SLC28A3: variants seen among roughly 807,000 people sequenced by gnomAD.
SLC28A3 encodes the protein concentrative Na(+)-nucleoside cotransporter 3.
In SLC28A3, 68 loss-of-function variants were observed where a neutral mutation model predicts 84.2. That is an observed-to-expected ratio of 0.81 (90% confidence interval 0.66 to 0.99). SLC28A3 has a LOEUF of 0.99. SLC28A3 is among the 50% of genes least tolerant of loss of function. The pLI, the probability that SLC28A3 is intolerant of heterozygous loss-of-function variation, is 0.00. For missense variants in SLC28A3, 712 were observed against 841.5 expected (o/e 0.85, Z 1.90); for synonymous variants, 267 against 303.6 (o/e 0.88, Z 1.25).
chr9:84,343,187 AAAAAAACAAAAGAC>A (rs1337517921), upstream of SLC28A3, among the ~76,000 whole-genome samples: 2 of 151,884 alleles, frequency 1.3e-5, no homozygotes, highest in East Asian at 1.9e-4. Context: ...CCATCTCAAA[AAAAAAACAAAAGAC>A]AAAAAACAAA....
At position 84,340,660 on chromosome 9, in the gene SLC28A3, G is replaced by A. The variant is rs754855297; in HGVS notation, c.-27C>T. On this transcript the variant is annotated 5_prime_UTR_variant, in exon 1 of 18. Transcript: ENST00000376238. ...CTCTTTTTGCTGCTGGCTGGCTCTG[G>A]TCTGGAGGTCCTTTGTACCTGGGAA... The A allele has an allele frequency of 3.7e-6, 6 of 1,613,984 alleles. No individual in the cohort carries two copies. Among genetic ancestry groups the A allele is most frequent in the Non-Finnish European group, 5.1e-6 (6 of 1,179,948 alleles).
rs546394602 is a variant in SLC28A3, at chr9:84,295,607, AAAAC to A, written c.862-1336_862-1333del. On this transcript the variant is annotated intron_variant, in intron 8 of 17. Coordinates refer to ENST00000376238, the MANE Select transcript of SLC28A3 (RefSeq NM_001199633.2). Reference sequence around the variant, plus strand: ...CACAAAAACAAACAAACAAACAAACAAAACAAACAAACAAAAAACCATTGCATTT... The same window carrying A: ...CACAAAAACAAACAAACAAACAAACAAAACAAACAAAAAACCATTGCATTT... Among the ~76,000 whole-genome samples, 618 of 148,330 alleles carry A rather than the reference AAAAC, an allele frequency of 4.2e-3. 2 individuals carry two copies. The highest frequency in any genetic ancestry group is 0.015 in the African/African-American group (578 of 38,020).
chr9:84,304,900 T>A (rs573962153), intron 4 of SLC28A3, among the ~76,000 whole-genome samples: 18 of 152,242 alleles, frequency 1.2e-4, no homozygotes, highest in African/African-American at 4.3e-4. Flanking sequence ...CGTGTGCCTG[T>A]AATCCCAGCT....
chr9:84,280,737 A>G, intron 15 of SLC28A3, 64 bp downstream of exon 15: 1 of 1,545,238 alleles, frequency 6.5e-7, no homozygotes, highest in Non-Finnish European at 8.9e-7. Context: ...AGTACAGAGC[A>G]AAATGGGGAT....
the SLC28A3 span, among the ~76,000 whole-genome samples, chr9:84,355,525 G>C: frequency 6.6e-6 from 1 of 152,108 alleles, no homozygotes; most frequent in Non-Finnish European, 1.5e-5. Flanking sequence ...CTTCTGATGT[G>C]GGGTGATAAA....
At chr9:84,342,047 T>C (rs918660415), upstream of SLC28A3, among the ~76,000 whole-genome samples, 2 of 146,996 alleles carry the variant, frequency 1.4e-5, no homozygotes, top group African/African-American at 5.1e-5. Flanking sequence ...GAGAATCGCT[T>C]GAACCCAGGA....
chr9:84,313,577 G>A (rs1355963323), intron 1 of SLC28A3, 123 bp from the exon 2 acceptor site: 2 of 719,534 alleles, frequency 2.8e-6, no homozygotes, highest in Admixed American at 5.2e-5. Flanking sequence ...TTCAGATGAA[G>A]CATCCGATTC....
chr9:84,313,502 A>T (rs1248414765), intron 1 of SLC28A3, 48 bp from the exon 2 acceptor site: 1 of 1,495,682 alleles, frequency 6.7e-7, no homozygotes, highest in East Asian at 2.3e-5. Context: ...CAGCCAAAAG[A>T]CAGATGTTCT....
chr9:84,340,795 T>G, upstream of SLC28A3: 1 of 651,578 alleles, frequency 1.5e-6, no homozygotes, highest in Non-Finnish European at 2.6e-6. Flanking sequence ...TGACTAGGGC[T>G]GACACCTGGT....
intron 1 of SLC28A3, among the ~76,000 whole-genome samples, chr9:84,314,874 T>G (rs895847274): frequency 1.3e-5 from 2 of 152,120 alleles, no homozygotes; most frequent in Non-Finnish European, 2.9e-5. Context: ...GTCAGGAGAT[T>G]GAGACCATCC....
Position 84,340,689 on chromosome 9 carries a change from G to T in SLC28A3, c.-56C>A. 6.2e-7 allele frequency: 1 copy of T among 1,605,188 alleles called. No individual in the cohort carries two copies. Among genetic ancestry groups the T allele is most frequent in the Non-Finnish European group, 8.5e-7 (1 of 1,172,626 alleles). ...GGAGGTCCTTTGTACCTGGGAAAAA[G>T]CACCAGTCTCTGCTGATGTCAGAAA... On this transcript the variant is annotated 5_prime_UTR_variant, in exon 1 of 18. Transcript: ENST00000376238.
chr9:84,354,071 C>T, the SLC28A3 span, among the ~76,000 whole-genome samples: 9 of 152,368 alleles, frequency 5.9e-5, no homozygotes, highest in East Asian at 1.7e-3. Flanking sequence ...GCTCTCACCT[C>T]ATCTTGTTCT....
At chr9:84,325,469 T>G (rs1261122727) in intron 1 of SLC28A3, among the ~76,000 whole-genome samples, 1 of 152,256 alleles carries the variant, frequency 6.6e-6, no homozygotes, top group East Asian at 1.9e-4. Context: ...TCCCTGACCC[T>G]GAAAGTAGGT....
At chr9:84,333,200 G>A (rs1826851676) in intron 1 of SLC28A3, among the ~76,000 whole-genome samples, 1 of 152,108 alleles carries the variant, frequency 6.6e-6, no homozygotes, top group Non-Finnish European at 1.5e-5. Flanking sequence ...AATGGGGTAG[G>A]GGAACAATCA....
At chr9:84,367,363 C>T in the SLC28A3 span, among the ~76,000 whole-genome samples, 1 of 152,198 alleles carries the variant, frequency 6.6e-6, no homozygotes, top group Non-Finnish European at 1.5e-5. Flanking sequence ...ACCCCAAAAG[C>T]CTGCCTGGTG....
At position 84,278,115 on chromosome 9, in the gene SLC28A3, T is replaced by A. The variant is rs2118010752; in HGVS notation, c.*103A>T. On this transcript the variant is annotated 3_prime_UTR_variant, in exon 18 of 18. Transcript: ENST00000376238. ...TCCTTGCAATTAAAGCTGATTCCAT[T>A]ATGGAAGCATCAATCTGTGGACAAT... is the stretch of plus-strand genomic sequence containing the variant. The A allele has an allele frequency of 7.1e-7, 1 of 1,408,450 alleles. No individual in the cohort carries two copies. The highest frequency in any genetic ancestry group is 9.6e-7 in the Non-Finnish European group (1 of 1,044,638). 87.2% of individuals were successfully genotyped at this position (1,408,450 alleles called of 1,614,324 possible).
At chr9:84,361,007 G>C in the SLC28A3 span, among the ~76,000 whole-genome samples, 1 of 152,100 alleles carries the variant, frequency 6.6e-6, no homozygotes, top group East Asian at 1.9e-4. Flanking sequence ...CTTGCTAAAT[G>C]AGCTGATTGT....
chr9:84,320,982 AAAAG>A (rs1466696233), intron 1 of SLC28A3, among the ~76,000 whole-genome samples: 3 of 151,652 alleles, frequency 2.0e-5, no homozygotes, highest in Non-Finnish European at 4.4e-5. Context: ...AAAAAAAAAA[AAAAG>A]AAAGAAAAGC....
Position 84,288,127 on chromosome 9 carries a change from A to G in SLC28A3, c.1201T>C (p.Leu401=), listed in dbSNP as rs760598124. ...GGCCAAAAGAGTTTAGCAGCAGCCA[A>G]TGACGCAGGTGCTGACATAACTGAC... ...TASVMSAPAS[L]AAAKLFWPET... Residue 401 remains leucine, a synonymous_variant, in exon 12 of 18, where the codon TTG becomes CTG. Coordinates refer to ENST00000376238, the MANE Select transcript of SLC28A3 (RefSeq NM_001199633.2). The G allele has an allele frequency of 5.6e-6, 9 of 1,613,994 alleles. No individual in the cohort carries two copies. Among genetic ancestry groups the G allele is most frequent in the East Asian group, 2.2e-5 (1 of 44,886 alleles).
Sources: allele counts gnomAD v4.1 joint callset (sites outside exome capture counted in the v4.1 genomes callset), GRCh38; gene constraint gnomAD v4.1.1; transcripts MANE v1.5; gene names NCBI Gene and HGNC (gene_info 2026-07-23, HGNC 2026-07-21).